The following AGBL4 variants were observed in gnomAD, a reference collection of about 807,000 sequenced individuals.
The protein encoded by AGBL4 is cytosolic carboxypeptidase 6.
In AGBL4, 58 loss-of-function variants were observed where a neutral mutation model predicts 66.4. The observed-to-expected ratio is 0.87, with a 90% CI of 0.71 to 1.09. AGBL4 has a LOEUF of 1.09. Ranked by LOEUF, AGBL4 falls within the 50% of genes least tolerant of loss-of-function variation. AGBL4 has a pLI of 0.00. For missense variants in AGBL4, 579 were observed against 631.0 expected, an observed-to-expected ratio of 0.92 and a Z score of 0.88; for synonymous variants, 234 against 222.9, an observed-to-expected ratio of 1.05 and a Z score of -0.44.
chr1:49,920,725 G>T (rs527845834), intron 1 of AGBL4, among the ~76,000 whole-genome samples: 2 of 152,154 alleles, frequency 1.3e-5, no homozygotes, highest in Non-Finnish European at 2.9e-5. Flanking sequence ...ATTTGACCCA[G>T]CCATCCCATT....
At chr1:48,641,671 G>C (rs1645757200) in intron 8 of AGBL4, among the ~76,000 whole-genome samples, 2 of 152,114 alleles carry the variant, frequency 1.3e-5, no homozygotes, top group African/African-American at 4.8e-5. Flanking sequence ...CTAGCACAGT[G>C]TCTCGTACAC....
At chr1:48,536,601 C>T (rs184562831) in intron 12 of AGBL4, among the ~76,000 whole-genome samples, 5 of 152,160 alleles carry the variant, frequency 3.3e-5, no homozygotes, top group African/African-American at 1.2e-4. Flanking sequence ...AGGACTGGCA[C>T]GTAGTGGGCT....
intron 3 of AGBL4, among the ~76,000 whole-genome samples, chr1:49,591,751 T>C (rs767026317): frequency 2.0e-5 from 3 of 151,970 alleles, no homozygotes; most frequent in Non-Finnish European, 4.4e-5. Context: ...CATAGACCAA[T>C]GGAACAAAAT....
intron 3 of AGBL4, among the ~76,000 whole-genome samples, chr1:49,265,706 C>T (rs1348698013): frequency 2.0e-5 from 3 of 152,088 alleles, no homozygotes; most frequent in Admixed American, 6.6e-5. Context: ...TAAAAGACTA[C>T]ATATATATGT....
chr1:49,896,454 A>G (rs1649209159), intron 1 of AGBL4, among the ~76,000 whole-genome samples: 1 of 140,510 alleles, frequency 7.1e-6, no homozygotes. Flanking sequence ...CTGAAACCTG[A>G]TGGCTTCACT....
chr1:49,935,278 G>A (rs1418306182), intron 1 of AGBL4, among the ~76,000 whole-genome samples: 1 of 152,260 alleles, frequency 6.6e-6, no homozygotes, highest in Non-Finnish European at 1.5e-5. Context: ...GCAAGGCTGG[G>A]GGAGGGGCGC....
chr1:49,908,986 C>T (rs1457351017), intron 1 of AGBL4, among the ~76,000 whole-genome samples: 2 of 152,074 alleles, frequency 1.3e-5, no homozygotes, highest in Admixed American at 1.3e-4. Context: ...ATACTGAACC[C>T]TATCTAAGAG....
chr1:49,199,634 T>G (rs1647528676), intron 4 of AGBL4, among the ~76,000 whole-genome samples: 1 of 152,172 alleles, frequency 6.6e-6, no homozygotes, highest in South Asian at 2.1e-4. Flanking sequence ...TCCTATTCTC[T>G]TGAAACAGTC....
rs533563008 is a variant in AGBL4 at position 49,084,694 on chromosome 1, A to G, written c.378-38894T>C. On this transcript the variant is annotated intron_variant, in intron 4 of 13. Coordinates refer to ENST00000371839, the MANE Select transcript of AGBL4 (RefSeq NM_032785.4). ...AGTTTTTCAAGATAACAGAGCAGAA[A>G]CCATGTCTGGTAACCTGGGATCTTC... Among the ~76,000 whole-genome samples, 12 of 152,228 alleles carry G rather than the reference A, an allele frequency of 7.9e-5. No homozygotes were observed. The East Asian group carries it at 2.3e-3, about 29-fold the overall frequency.
In AGBL4 at chr1:49,925,075, C is replaced by T. The variant is rs367795438; in HGVS notation, c.35-73557G>A. On this transcript the variant is annotated intron_variant, in intron 1 of 13. Coordinates refer to ENST00000371839, the MANE Select transcript of AGBL4 (RefSeq NM_032785.4). ...AGCGAGGTGGCTAAGGGAGTGCTTA[C>T]ATCACCTCTTCTCTAATCCAAAGCA... Among the ~76,000 whole-genome samples, 50 of 152,340 alleles carry T rather than the reference C, an allele frequency of 3.3e-4. 1 individual carries two copies. The South Asian group carries it at 9.5e-3, about 29-fold the overall frequency.
chr1:49,959,432 T>G (rs1656936112), intron 1 of AGBL4, among the ~76,000 whole-genome samples: 1 of 151,944 alleles, frequency 6.6e-6, no homozygotes, highest in Admixed American at 6.6e-5. Context: ...AAAAGCTGAG[T>G]TGAGGGACAG....
chr1:48,995,181 C>G (rs1246513033), intron 5 of AGBL4, among the ~76,000 whole-genome samples: 1 of 152,196 alleles, frequency 6.6e-6, no homozygotes, highest in Non-Finnish European at 1.5e-5. Context: ...TTCCCCTACT[C>G]TTCACCTGGC....
intron 6 of AGBL4, among the ~76,000 whole-genome samples, chr1:48,687,974 C>G (rs1251665289): frequency 6.6e-6 from 1 of 152,194 alleles, no homozygotes; most frequent in Non-Finnish European, 1.5e-5. Flanking sequence ...CTCATTACCC[C>G]CTGATGTGTA....
intron 5 of AGBL4, among the ~76,000 whole-genome samples, chr1:48,888,886 T>A (rs1030706354): frequency 1.1e-4 from 16 of 152,214 alleles, no homozygotes; most frequent in Admixed American, 6.5e-5. Context: ...TTACATTTGT[T>A]TTTATAACAA....
chr1:48,695,128 A>G (rs1646694371), intron 6 of AGBL4, among the ~76,000 whole-genome samples: 1 of 152,166 alleles, frequency 6.6e-6, no homozygotes, highest in Admixed American at 6.5e-5. Context: ...ACGGGGCTTT[A>G]CCAAGATTCT....
chr1:48,896,599 C>G (rs959326130), intron 5 of AGBL4, among the ~76,000 whole-genome samples: 6 of 152,140 alleles, frequency 3.9e-5, no homozygotes, highest in African/African-American at 1.2e-4. Context: ...GCTGCACAGC[C>G]AGAACTCAGA....
intron 5 of AGBL4, among the ~76,000 whole-genome samples, chr1:48,988,246 A>G (rs542949067): frequency 1.2e-3 from 184 of 152,242 alleles, no homozygotes; most frequent in Non-Finnish European, 2.1e-3. Flanking sequence ...GGATAAATGA[A>G]TACCTTCTCC....
At chr1:49,817,980 A>G (rs78308131) in intron 2 of AGBL4, among the ~76,000 whole-genome samples, 4,240 of 152,296 alleles carry the variant, frequency 0.028, 166 homozygotes, top group African/African-American at 0.096. Context: ...GCCTGGGGTT[A>G]CAGAGAAGTT....
intron 6 of AGBL4, among the ~76,000 whole-genome samples, chr1:48,676,809 A>G (rs962298361): frequency 1.3e-5 from 2 of 152,154 alleles, no homozygotes; most frequent in Admixed American, 6.5e-5. Context: ...GCAGCTTTGT[A>G]AAAATACTGA....
Sources: gnomAD v4.1 joint callset for allele counts (sites outside exome capture counted in the v4.1 genomes callset) on GRCh38, gnomAD v4.1.1 for gene constraint, MANE v1.5 for transcripts, NCBI Gene and HGNC (gene_info 2026-07-23, HGNC 2026-07-21) for gene names.